Variants in SHISA9 observed in about 807,000 individuals in gnomAD.
SHISA9 encodes the protein shisa family member 9.
In SHISA9, 13 loss-of-function variants were observed where a neutral mutation model predicts 38.0. The observed-to-expected ratio is 0.34, with a 90% CI of 0.22 to 0.54. The LOEUF is 0.54. Among genes scored for constraint, SHISA9 ranks in the 20% least tolerant of loss-of-function variants. The probability of loss-of-function intolerance (pLI) is 0.91; values close to 1 mark genes in which losing one functional copy is unlikely to be tolerated. For synonymous variants in SHISA9, 275 were observed against 242.0 expected (o/e 1.14, Z -1.27); for missense variants, 538 against 575.8 (o/e 0.93, Z 0.67).
chr16:13,438,424 G>T, the SHISA9 span, among the ~76,000 whole-genome samples: 19 of 152,036 alleles, frequency 1.2e-4, no homozygotes, highest in Non-Finnish European at 2.6e-4. Flanking sequence ...ACAGTAGCTA[G>T]CACACTCTTA....
At chr16:13,367,810 C>T in the SHISA9 span, among the ~76,000 whole-genome samples, 1 of 151,776 alleles carries the variant, frequency 6.6e-6, no homozygotes, top group African/African-American at 2.4e-5. Flanking sequence ...TCTGGGCATT[C>T]CACAGTCTTC....
intron 2 of SHISA9, among the ~76,000 whole-genome samples, chr16:13,055,464 G>A (rs905765634): frequency 2.0e-5 from 3 of 151,988 alleles, no homozygotes; most frequent in Non-Finnish European, 2.9e-5. Context: ...TGAATGAATG[G>A]CTCCTTCTCT....
At chr16:13,050,281 T>C (rs1399020309) in intron 2 of SHISA9, among the ~76,000 whole-genome samples, 1 of 152,188 alleles carries the variant, frequency 6.6e-6, no homozygotes, top group Non-Finnish European at 1.5e-5. Context: ...ATATTATGGA[T>C]AAATTAATTT....
At chr16:13,002,810 G>C (rs1396622276) in intron 2 of SHISA9, among the ~76,000 whole-genome samples, 1 of 152,126 alleles carries the variant, frequency 6.6e-6, no homozygotes, top group Non-Finnish European at 1.5e-5. Flanking sequence ...TAGGATTACA[G>C]GCATGAGCCA....
chr16:13,022,240 T>C (rs4780489), intron 2 of SHISA9, among the ~76,000 whole-genome samples: 69,949 of 151,610 alleles, frequency 0.46, 16,367 homozygotes, highest in Middle Eastern at 0.54. Flanking sequence ...CAGCTTTGAA[T>C]TCCTGGACTG....
chr16:13,396,665 C>T, the SHISA9 span, among the ~76,000 whole-genome samples: 1 of 152,168 alleles, frequency 6.6e-6, no homozygotes, highest in African/African-American at 2.4e-5. Flanking sequence ...ATCATGTAAG[C>T]ACACCATGAA....
the SHISA9 span, among the ~76,000 whole-genome samples, chr16:13,461,748 G>A: frequency 2.0e-5 from 3 of 150,706 alleles, no homozygotes; most frequent in Admixed American, 2.0e-4. Context: ...CGAGTAGCTG[G>A]GACCACAGGC....
chr16:13,310,334 A>T, the SHISA9 span, among the ~76,000 whole-genome samples: 1 of 152,188 alleles, frequency 6.6e-6, no homozygotes, highest in African/African-American at 2.4e-5. Context: ...CATTTAGGAC[A>T]TAAAAAATGT....
Position 13,205,562 on chromosome 16 carries a change from C to T in SHISA9, c.847+2013C>T, listed in dbSNP as rs114332436. ...GCAACATTTGGCCCCTTTTTAAGGT[C>T]TCAGTCTTCTAATCTGTAAAATGGG... On this transcript the variant is annotated intron_variant, in intron 3 of 4. Coordinates refer to ENST00000558583, the MANE Select transcript of SHISA9 (RefSeq NM_001145204.3). Among the ~76,000 whole-genome samples the T allele has an allele frequency of 7.3e-3, 1,114 of 152,284 alleles. 9 individuals are homozygous for T. Among genetic ancestry groups the T allele is most frequent in the African/African-American group, 0.024 (981 of 41,570 alleles).
intron 2 of SHISA9, among the ~76,000 whole-genome samples, chr16:13,143,009 A>ATTTTATTTTATTTTATTTTATTTTATTT (rs1555465417): frequency 1.3e-5 from 2 of 150,632 alleles, no homozygotes; most frequent in African/African-American, 4.9e-5. Flanking sequence ...ATTTTATTTT[A>ATTTTATTTTATTTTATTTTATTTTATTT]TTTTATTTTA....
At chr16:13,218,718 C>T (rs892046961) in intron 4 of SHISA9, among the ~76,000 whole-genome samples, 3 of 152,138 alleles carry the variant, frequency 2.0e-5, no homozygotes, top group African/African-American at 4.8e-5. Flanking sequence ...CAGTGTCTAG[C>T]CCATAGTAGG....
chr16:13,218,626 C>T (rs1297280612), intron 4 of SHISA9, among the ~76,000 whole-genome samples: 2 of 152,194 alleles, frequency 1.3e-5, no homozygotes, highest in Admixed American at 6.5e-5. Flanking sequence ...GTTCCTTCAT[C>T]TGTCACGTGG....
intron 2 of SHISA9, among the ~76,000 whole-genome samples, chr16:13,194,304 A>G (rs2050916290): frequency 6.6e-6 from 1 of 152,214 alleles, no homozygotes; most frequent in East Asian, 1.9e-4. Context: ...TGGCTGCCAA[A>G]TCATTTCTGA....
chr16:13,545,023 A>G, the SHISA9 span, among the ~76,000 whole-genome samples: 1 of 152,170 alleles, frequency 6.6e-6, no homozygotes, highest in Admixed American at 6.5e-5. Flanking sequence ...TATTTTCCTC[A>G]TCATCACAAT....
intron 2 of SHISA9, among the ~76,000 whole-genome samples, chr16:13,147,912 G>T (rs1235990243): frequency 1.3e-5 from 2 of 152,168 alleles, no homozygotes; most frequent in Non-Finnish European, 2.9e-5. Context: ...GCCAAGAAAT[G>T]CTACTCACCC....
At chr16:13,509,209 A>G in the SHISA9 span, among the ~76,000 whole-genome samples, 1,763 of 152,254 alleles carry the variant, frequency 0.012, 15 homozygotes, top group Middle Eastern at 0.037. Flanking sequence ...AGTGGGGTAG[A>G]ATCTTCTTGA....
intron 2 of SHISA9, among the ~76,000 whole-genome samples, chr16:13,067,715 C>A: frequency 6.6e-6 from 1 of 152,210 alleles, no homozygotes; most frequent in South Asian, 2.1e-4. Flanking sequence ...CCAGCTCAGG[C>A]CCTGTCTTAG....
At chr16:13,161,835 A>C (rs1243056086) in intron 2 of SHISA9, among the ~76,000 whole-genome samples, 1 of 152,154 alleles carries the variant, frequency 6.6e-6, no homozygotes, top group Non-Finnish European at 1.5e-5. Context: ...TAGAAATGGA[A>C]AGTTTCTAAA....
chr16:13,411,001 T>C, the SHISA9 span, among the ~76,000 whole-genome samples: 2 of 152,310 alleles, frequency 1.3e-5, no homozygotes, highest in Middle Eastern at 6.8e-3. Flanking sequence ...GAGAAGCTGG[T>C]AGAGTACTGG....
Sources: gnomAD v4.1 joint callset for allele counts (sites outside exome capture counted in the v4.1 genomes callset) on GRCh38, gnomAD v4.1.1 for gene constraint, MANE v1.5 for transcripts, NCBI Gene and HGNC (gene_info 2026-07-23, HGNC 2026-07-21) for gene names.